Variants in ACOT1 observed in about 807,000 individuals in gnomAD.
The protein encoded by ACOT1 is acyl-coenzyme A thioesterase 1.
ACOT1 carries 8 observed loss-of-function variants against 15.7 expected under a neutral mutation model. That is an observed-to-expected ratio of 0.51 (90% CI 0.30 to 0.92). The LOEUF is 0.92. Among genes scored for constraint, ACOT1 ranks in the 40% least tolerant of loss-of-function variants. ACOT1 has a pLI of 0.06. For synonymous variants in ACOT1, 67 were observed against 241.2 expected, an observed-to-expected ratio of 0.28 and a Z score of 6.69; for missense variants, 151 against 539.4, an observed-to-expected ratio of 0.28 and a Z score of 7.13.
chr14:73,522,310 T>A, the ACOT1 span: 1 of 1,614,178 alleles, frequency 6.2e-7, no homozygotes, highest in Non-Finnish European at 8.5e-7. Context: ...GCTTCTTCTT[T>A]TCCTGTGGGG....
the ACOT1 span, chr14:73,506,581 T>C: frequency 6.3e-7 from 1 of 1,595,178 alleles, no homozygotes; most frequent in South Asian, 1.1e-5. Context: ...TCTGAGGAAA[T>C]GGAAGACTTG....
the ACOT1 span, chr14:73,523,331 G>A: frequency 6.8e-6 from 4 of 591,252 alleles, no homozygotes; most frequent in East Asian, 5.6e-5. Context: ...GAAAGGGGGT[G>A]GGGAAGAGCC....
upstream of ACOT1, among the ~76,000 whole-genome samples, chr14:73,536,516 TAAAAAAAAAAAAAA>T (rs543491523): frequency 5.1e-5 from 3 of 59,346 alleles, no homozygotes; most frequent in Non-Finnish European, 3.2e-5. Flanking sequence ...CCTGTCTCTT[TAAAAAAAAAAAAAA>T]AAAAAAAAAA....
the ACOT1 span, among the ~76,000 whole-genome samples, chr14:73,516,876 C>T: frequency 1.3e-5 from 2 of 152,212 alleles, no homozygotes; most frequent in Non-Finnish European, 2.9e-5. Context: ...ACCATTTCAT[C>T]CTCAAACCAT....
chr14:73,506,532 A>G, the ACOT1 span: 1 of 1,613,850 alleles, frequency 6.2e-7, no homozygotes, highest in Non-Finnish European at 8.5e-7. Flanking sequence ...TTCCATTGAC[A>G]GCTGTTCAGC....
Position 73,537,743 on chromosome 14 carries a change from G to T in ACOT1, c.322G>T (p.Val108Leu). The T allele has an allele frequency of 8.0e-7, 1 of 1,244,296 alleles. No homozygotes were observed. The highest frequency in any genetic ancestry group is 1.1e-6 in the Non-Finnish European group (1 of 938,900). The allele number at this position is 1,244,296 out of a possible 1,614,324, so 77.1% of individuals were successfully genotyped here. A position where few individuals can be genotyped will look rare whatever the true frequency, so the allele number is the denominator to read the frequency against. ...VRTPLAVELE[V>L]LDGHDPDPGR... Reference sequence around the variant, plus strand: ...AACGCCCTTGGCCGTGGAGCTGGAGGTGCTGGATGGCCACGACCCCGACCC... The same window carrying T: ...AACGCCCTTGGCCGTGGAGCTGGAGTTGCTGGATGGCCACGACCCCGACCC... Residue 108 changes from valine to leucine, a missense_variant, in exon 1 of 3, where the codon GTG (valine) becomes TTG (leucine). Coordinates refer to ENST00000311148, the MANE Select transcript of ACOT1 (RefSeq NM_001037161.2).
At chr14:73,530,696 G>C in the ACOT1 span, 6 of 122,028 alleles carry the variant, frequency 4.9e-5, 1 homozygote, top group African/African-American at 1.6e-4. Context: ...GGAGTACAGT[G>C]GCGTGATCAT....
At chr14:73,520,967 A>G in the ACOT1 span, 1 of 1,613,756 alleles carries the variant, frequency 6.2e-7, no homozygotes, top group Non-Finnish European at 8.5e-7. Flanking sequence ...TCGTCTTTTC[A>G]TGGATATCCT....
chr14:73,505,640 G>T, the ACOT1 span, among the ~76,000 whole-genome samples: 4 of 152,054 alleles, frequency 2.6e-5, no homozygotes, highest in Admixed American at 2.6e-4. Flanking sequence ...TGATCCACCT[G>T]CCTTGGCCTC....
chr14:73,519,114 G>A, the ACOT1 span: 734 of 1,613,880 alleles, frequency 4.5e-4, 5 homozygotes, highest in African/African-American at 8.9e-3. Context: ...GGTTTTCCAG[G>A]ACAATCTGGT....
the ACOT1 span, among the ~76,000 whole-genome samples, chr14:73,524,310 A>AAATATAT: frequency 4.2e-3 from 229 of 54,768 alleles, 1 homozygote; most frequent in Non-Finnish European, 5.3e-3. Context: ...AAAAAAAAAA[A>AAATATAT]ATATATATAT....
the ACOT1 span, chr14:73,500,422 C>A: frequency 9.9e-7 from 1 of 1,009,620 alleles, no homozygotes; most frequent in Non-Finnish European, 1.4e-6. Context: ...GGCTTATACA[C>A]CCCCTTCCCA....
the ACOT1 span, among the ~76,000 whole-genome samples, chr14:73,521,382 C>T: frequency 4.2e-4 from 64 of 152,244 alleles, no homozygotes; most frequent in Middle Eastern, 3.4e-3. Context: ...ATCCCACCTC[C>T]TTCGTCATCT....
At chr14:73,527,936 GGGT>G in the ACOT1 span, among the ~76,000 whole-genome samples, 2 of 137,176 alleles carry the variant, frequency 1.5e-5, no homozygotes, top group Non-Finnish European at 3.0e-5. Context: ...ACTCCAGCCT[GGGT>G]AACAGGGGCA....
chr14:73,523,091 G>A, the ACOT1 span: 1 of 1,611,596 alleles, frequency 6.2e-7, no homozygotes, highest in Middle Eastern at 1.6e-4. Flanking sequence ...TCCCAGTCGT[G>A]GGGGCAGTGA....
the ACOT1 span, chr14:73,520,566 T>C: frequency 1.9e-5 from 6 of 308,588 alleles, no homozygotes; most frequent in Non-Finnish European, 3.0e-5. Flanking sequence ...AGAGAAGAGA[T>C]GGATTGTTCC....
the ACOT1 span, chr14:73,498,349 A>C: frequency 2.5e-6 from 4 of 1,587,718 alleles, no homozygotes; most frequent in East Asian, 9.1e-5. Context: ...CCAAAGCTGC[A>C]GAGATTAGAG....
the ACOT1 span, chr14:73,512,187 G>C: frequency 6.2e-7 from 1 of 1,611,130 alleles, no homozygotes; most frequent in Non-Finnish European, 8.5e-7. Flanking sequence ...AGAACCACCT[G>C]GTTAGGGTTA....
chr14:73,499,678 G>A, the ACOT1 span, among the ~76,000 whole-genome samples: 3 of 152,028 alleles, frequency 2.0e-5, no homozygotes, highest in Admixed American at 2.0e-4. Flanking sequence ...TACAGATCTG[G>A]GGCCATATGG....
Sources: allele counts gnomAD v4.1 joint callset (sites outside exome capture counted in the v4.1 genomes callset), GRCh38; gene constraint gnomAD v4.1.1; transcripts MANE v1.5; gene names NCBI Gene and HGNC (gene_info 2026-07-23, HGNC 2026-07-21).